Variants in LYPLAL1 observed in about 807,000 individuals in gnomAD.
The protein encoded by LYPLAL1 is lysophospholipase-like protein 1.
Under a neutral mutation model 19.7 loss-of-function variants are expected in LYPLAL1, and 23 were observed. The observed-to-expected ratio is 1.17, with a 90% CI of 0.84 to 1.65. The LOEUF is 1.65. Among genes scored for constraint, LYPLAL1 ranks in the 40% most tolerant of loss-of-function variants. The probability of loss-of-function intolerance (pLI) is 0.00; values close to 1 mark genes in which losing one functional copy is unlikely to be tolerated. For missense variants in LYPLAL1, 355 were observed against 279.4 expected (o/e 1.27, Z -1.93); for synonymous variants, 119 against 96.3 (o/e 1.24, Z -1.38).
the LYPLAL1 span, among the ~76,000 whole-genome samples, chr1:219,404,048 T>A: frequency 5.3e-5 from 8 of 151,834 alleles, no homozygotes; most frequent in African/African-American, 1.7e-4. Flanking sequence ...TCTGGCTATG[T>A]CCTCACATAA....
intron 3 of LYPLAL1, among the ~76,000 whole-genome samples, chr1:219,206,003 T>C (rs1254673326): frequency 1.3e-5 from 2 of 152,130 alleles, no homozygotes; most frequent in African/African-American, 4.8e-5. Flanking sequence ...ATAATTATAA[T>C]AGTATACCAG....
chr1:219,248,526 A>T, the LYPLAL1 span, among the ~76,000 whole-genome samples: 2 of 152,264 alleles, frequency 1.3e-5, no homozygotes. Context: ...GAAGTTATCA[A>T]ATTATAAAGC....
chr1:219,376,460 C>CA, the LYPLAL1 span, among the ~76,000 whole-genome samples: 10,312 of 151,922 alleles, frequency 0.068, 498 homozygotes, highest in South Asian at 0.14. Flanking sequence ...ACAACGGAAA[C>CA]AAAAAAATTG....
At chr1:219,431,878 C>T in the LYPLAL1 span, among the ~76,000 whole-genome samples, 3 of 152,198 alleles carry the variant, frequency 2.0e-5, no homozygotes, top group Admixed American at 6.5e-5. Context: ...TTCCTAATCT[C>T]GCTACCCTCC....
At chr1:219,380,444 G>A in the LYPLAL1 span, among the ~76,000 whole-genome samples, 1 of 152,228 alleles carries the variant, frequency 6.6e-6, no homozygotes, top group Non-Finnish European at 1.5e-5. Flanking sequence ...GGAGGGCTGT[G>A]TTGGCACCAT....
chr1:219,362,876 A>C, the LYPLAL1 span, among the ~76,000 whole-genome samples: 8 of 152,128 alleles, frequency 5.3e-5, no homozygotes, highest in Non-Finnish European at 5.9e-5. Flanking sequence ...CACTAGACTC[A>C]GGAAAATTTA....
At chr1:219,254,096 G>C in the LYPLAL1 span, among the ~76,000 whole-genome samples, 4 of 151,964 alleles carry the variant, frequency 2.6e-5, no homozygotes, top group Non-Finnish European at 4.4e-5. Context: ...AATTAAGATC[G>C]CAACCCCTGC....
At chr1:219,257,902 A>G in the LYPLAL1 span, among the ~76,000 whole-genome samples, 67 of 152,096 alleles carry the variant, frequency 4.4e-4, no homozygotes, top group African/African-American at 1.4e-3. Flanking sequence ...CATCCACATA[A>G]GACAGACACT....
At chr1:219,357,176 G>A in the LYPLAL1 span, among the ~76,000 whole-genome samples, 34 of 152,274 alleles carry the variant, frequency 2.2e-4, no homozygotes, top group Middle Eastern at 0.014. Flanking sequence ...ATAGCCAAAT[G>A]TGCCAATTTT....
the LYPLAL1 span, among the ~76,000 whole-genome samples, chr1:219,352,174 A>T: frequency 6.6e-6 from 1 of 152,204 alleles, no homozygotes; most frequent in Non-Finnish European, 1.5e-5. Context: ...AACTGATTTT[A>T]CTTAGCTCAG....
chr1:219,393,418 C>A, the LYPLAL1 span, among the ~76,000 whole-genome samples: 1 of 152,146 alleles, frequency 6.6e-6, no homozygotes, highest in Non-Finnish European at 1.5e-5. Context: ...ATATGCCCTG[C>A]CCTTCATAGC....
the LYPLAL1 span, among the ~76,000 whole-genome samples, chr1:219,396,725 C>G: frequency 6.6e-6 from 1 of 152,050 alleles, no homozygotes; most frequent in Non-Finnish European, 1.5e-5. Context: ...TTTGCTCCCC[C>G]CTTGACTTGT....
At chr1:219,174,181 C>G (rs1655609558) in intron 1 of LYPLAL1, 200 bp downstream of exon 1, 1 of 1,420,872 alleles carries the variant, frequency 7.0e-7, no homozygotes. Flanking sequence ...CTCTTTCTAT[C>G]GGGCGGTCAC....
At chr1:219,324,091 C>T in the LYPLAL1 span, among the ~76,000 whole-genome samples, 2 of 152,264 alleles carry the variant, frequency 1.3e-5, no homozygotes, top group East Asian at 1.9e-4. Flanking sequence ...ACTGTAAGGC[C>T]CCTTTTTCCT....
intron 2 of LYPLAL1, among the ~76,000 whole-genome samples, chr1:219,180,208 C>T (rs985696639): frequency 3.9e-5 from 6 of 152,182 alleles, no homozygotes; most frequent in African/African-American, 1.4e-4. Context: ...TGGTCTGGAA[C>T]TGTTGACCTG....
the LYPLAL1 span, among the ~76,000 whole-genome samples, chr1:219,342,905 G>C: frequency 1.3e-5 from 2 of 152,156 alleles, no homozygotes; most frequent in African/African-American, 4.8e-5. Context: ...ATCACACAGA[G>C]AGGATTGATT....
chr1:219,288,773 C>A, the LYPLAL1 span, among the ~76,000 whole-genome samples: 1 of 152,156 alleles, frequency 6.6e-6, no homozygotes, highest in Admixed American at 6.6e-5. Flanking sequence ...TATAAGAAAT[C>A]TCTGTATCTT....
chr1:219,230,132 A>C, the LYPLAL1 span, among the ~76,000 whole-genome samples: 2 of 152,050 alleles, frequency 1.3e-5, no homozygotes, highest in Non-Finnish European at 2.9e-5. Flanking sequence ...CTTTTTTTTG[A>C]AACAGAGTCT....
At chr1:219,269,751 G>T in the LYPLAL1 span, among the ~76,000 whole-genome samples, 1 of 152,044 alleles carries the variant, frequency 6.6e-6, no homozygotes, top group East Asian at 1.9e-4. Context: ...TACAAGACAT[G>T]TTGGCTATAA....
Sources: allele counts gnomAD v4.1 joint callset (sites outside exome capture counted in the v4.1 genomes callset), GRCh38; gene constraint gnomAD v4.1.1; transcripts MANE v1.5; gene names NCBI Gene and HGNC (gene_info 2026-07-23, HGNC 2026-07-21).